ADAMTS6: variants seen among roughly 807,000 people sequenced by gnomAD.
ADAMTS6 encodes A disintegrin and metalloproteinase with thrombospondin motifs 6.
In ADAMTS6, 23 loss-of-function variants were observed where a neutral mutation model predicts 144.3. The observed-to-expected ratio is 0.16, with a 90% CI of 0.11 to 0.23. The LOEUF (loss-of-function observed/expected upper bound fraction) is 0.23, where lower values mean the gene tolerates loss of function less well. Among genes scored for constraint, ADAMTS6 ranks in the 10% least tolerant of loss-of-function variants. The pLI is 1.00. For synonymous variants in ADAMTS6, 444 were observed against 457.5 expected, an observed-to-expected ratio of 0.97 and a Z score of 0.38; for missense variants, 999 against 1,379.6, an observed-to-expected ratio of 0.72 and a Z score of 4.37.
chr5:65,171,849 C>T (rs1753648631), intron 23 of ADAMTS6, among the ~76,000 whole-genome samples: 1 of 152,088 alleles, frequency 6.6e-6, no homozygotes, highest in African/African-American at 2.4e-5. Context: ...CACTTCAGAA[C>T]TGAAGTTACT....
intron 18 of ADAMTS6, among the ~76,000 whole-genome samples, chr5:65,220,531 G>C (rs753027408): frequency 6.6e-6 from 1 of 152,038 alleles, no homozygotes; most frequent in Admixed American, 6.6e-5. Flanking sequence ...TGCATCATGA[G>C]GTCAGGAGAT....
chr5:65,326,711 T>C (rs1445817228), intron 9 of ADAMTS6, among the ~76,000 whole-genome samples: 1 of 152,178 alleles, frequency 6.6e-6, no homozygotes, highest in Non-Finnish European at 1.5e-5. Flanking sequence ...AAAATCAGTA[T>C]ACTTCACCTG....
At chr5:65,243,858 A>C (rs1663273398) in intron 14 of ADAMTS6, among the ~76,000 whole-genome samples, 1 of 151,956 alleles carries the variant, frequency 6.6e-6, no homozygotes, top group Admixed American at 6.6e-5. Flanking sequence ...TCTAGCTATA[A>C]GTTTTCACAC....
rs955738704 is a variant in ADAMTS6, at chr5:65,149,100, T to C, written c.*2736A>G. On this transcript the variant is annotated 3_prime_UTR_variant, in exon 25 of 25. Transcript: ENST00000381055. ...TGGAAATCATATGTATCTCACGGGG[T>C]TTAATCATTAGGGTACATTTACCGT... 6.6e-6 allele frequency: 1 copy of C among 152,430 alleles called. No homozygotes were observed. Among genetic ancestry groups the C allele is most frequent in the African/African-American group, 2.4e-5 (1 of 41,376 alleles). 9.4% of individuals were successfully genotyped at this position (152,430 alleles called of 1,614,324 possible).
intron 7 of ADAMTS6, among the ~76,000 whole-genome samples, chr5:65,340,991 C>A (rs551294905): frequency 6.6e-5 from 10 of 151,916 alleles, no homozygotes; most frequent in Admixed American, 1.3e-4. Flanking sequence ...TAATATGTCA[C>A]TCTCAGCATT....
intron 7 of ADAMTS6, among the ~76,000 whole-genome samples, chr5:65,399,223 T>G (rs1350027609): frequency 2.6e-5 from 4 of 152,218 alleles, no homozygotes; most frequent in Non-Finnish European, 5.9e-5. Context: ...ACCACTGCAC[T>G]CCAGCCTGAG....
intron 21 of ADAMTS6, among the ~76,000 whole-genome samples, chr5:65,196,302 C>A (rs546265886): frequency 6.6e-6 from 1 of 151,764 alleles, no homozygotes; most frequent in Non-Finnish European, 1.5e-5. Flanking sequence ...TTTGGGAGGC[C>A]GAGGCGGGCG....
chr5:65,477,004 A>G (rs1361503037), intron 1 of ADAMTS6, among the ~76,000 whole-genome samples: 1 of 152,156 alleles, frequency 6.6e-6, no homozygotes, highest in Non-Finnish European at 1.5e-5. Flanking sequence ...TTACTTCTAC[A>G]CTAATTTAGG....
chr5:65,248,706 G>T (rs1759867506), intron 14 of ADAMTS6, among the ~76,000 whole-genome samples: 1 of 152,100 alleles, frequency 6.6e-6, no homozygotes, highest in Non-Finnish European at 1.5e-5. Flanking sequence ...AGGATTGCTT[G>T]AGCCTGGGTG....
chr5:65,174,958 A>ATAGACT (rs1461463269), intron 22 of ADAMTS6, among the ~76,000 whole-genome samples: 2 of 152,292 alleles, frequency 1.3e-5, no homozygotes, highest in Admixed American at 6.5e-5. Flanking sequence ...TTTGTGTGAA[A>ATAGACT]TAGACTGGCC....
chr5:65,444,086 T>C (rs537582243), intron 7 of ADAMTS6, among the ~76,000 whole-genome samples: 1 of 152,272 alleles, frequency 6.6e-6, no homozygotes, highest in African/African-American at 2.4e-5. Context: ...ATATATGGAA[T>C]CTATTAAAAA....
At chr5:65,258,189 A>G (rs1323173402) in intron 14 of ADAMTS6, among the ~76,000 whole-genome samples, 1 of 152,122 alleles carries the variant, frequency 6.6e-6, no homozygotes, top group Non-Finnish European at 1.5e-5. Context: ...GAGGGTTGCA[A>G]TTTTAAGTTC....
intron 24 of ADAMTS6, among the ~76,000 whole-genome samples, chr5:65,155,585 C>T (rs551790843): frequency 6.6e-6 from 1 of 152,282 alleles, no homozygotes; most frequent in Non-Finnish European, 1.5e-5. Flanking sequence ...TTGACCAAAA[C>T]ATCATTATAC....
rs553736409 is a variant in ADAMTS6 at position 65,276,556 on chromosome 5, G to T, written c.1513-3109C>A. The stretch of plus-strand genomic sequence containing the variant: ...TCATTTCATACCAAGTAAACAAGAA[G>T]TAGACTTCCTAAATGAACTTGAGAT... On this transcript the variant is annotated intron_variant, in intron 11 of 24. Coordinates refer to ENST00000381055, the MANE Select transcript of ADAMTS6 (RefSeq NM_197941.4). 2.6e-5 allele frequency among the ~76,000 whole-genome samples: 4 copies of T among 152,262 alleles called. 1 individual carries two copies. In the East Asian group the frequency reaches 7.7e-4, roughly 29 times the overall value.
chr5:65,182,548 C>G (rs996404881), intron 22 of ADAMTS6, among the ~76,000 whole-genome samples: 6 of 151,812 alleles, frequency 4.0e-5, no homozygotes, highest in Non-Finnish European at 8.8e-5. Context: ...CTACCTAATC[C>G]TCATAGAAAC....
intron 7 of ADAMTS6, among the ~76,000 whole-genome samples, chr5:65,422,045 G>A (rs915468137): frequency 2.6e-5 from 4 of 152,078 alleles, no homozygotes; most frequent in African/African-American, 4.8e-5. Context: ...GAAAATATTT[G>A]CAAACTGTGC....
intron 7 of ADAMTS6, among the ~76,000 whole-genome samples, chr5:65,369,863 A>C (rs1291097397): frequency 6.6e-6 from 1 of 152,114 alleles, no homozygotes; most frequent in Non-Finnish European, 1.5e-5. Flanking sequence ...CAATTCTAAA[A>C]ATCATCTGAA....
intron 20 of ADAMTS6, among the ~76,000 whole-genome samples, chr5:65,205,361 C>G (rs537022830): frequency 6.6e-6 from 1 of 152,254 alleles, no homozygotes; most frequent in South Asian, 2.1e-4. Flanking sequence ...TGTTAGACAT[C>G]TTAGAATTGA....
intron 7 of ADAMTS6, among the ~76,000 whole-genome samples, chr5:65,370,103 T>C (rs1750709227): frequency 6.6e-6 from 1 of 152,134 alleles, no homozygotes; most frequent in African/African-American, 2.4e-5. Flanking sequence ...AAAATGTATG[T>C]TTTCATTTAG....
Sources: allele counts gnomAD v4.1 joint callset (sites outside exome capture counted in the v4.1 genomes callset), GRCh38; gene constraint gnomAD v4.1.1; transcripts MANE v1.5; gene names NCBI Gene and HGNC (gene_info 2026-07-23, HGNC 2026-07-21).